Variants in EPHB2 observed in about 807,000 individuals in gnomAD.
The protein encoded by EPHB2 is EPH receptor B2.
A neutral mutation model predicts 96.4 loss-of-function variants in EPHB2; 18 were observed. The observed-to-expected ratio is 0.19, with a 90% confidence interval of 0.13 to 0.28. The LOEUF (loss-of-function observed/expected upper bound fraction) is 0.28, where lower values mean the gene tolerates loss of function less well. EPHB2 is among the 10% of genes least tolerant of loss of function. The pLI is 1.00. For synonymous variants in EPHB2, 506 were observed against 534.1 expected, an observed-to-expected ratio of 0.95 and a Z score of 0.72; for missense variants, 989 against 1,355.4, an observed-to-expected ratio of 0.73 and a Z score of 4.25.
Position 22,913,180 on chromosome 1 carries a change from G to C in EPHB2, c.2853-282G>C. On this transcript the variant is annotated intron_variant, in intron 15 of 15. Transcript: ENST00000374630. The surrounding 1 kb of genome is among the most constrained non-coding windows in gnomAD (Gnocchi z 4.1). ...TGCACACCAGCCTGGGTGACAGAGC[G>C]AGACTCTGTCTCGAAAAAGAAAGAA... 1 of 492,372 alleles carries C rather than the reference G, an allele frequency of 2.0e-6. No individual in the cohort carries two copies. The highest frequency in any genetic ancestry group is 2.0e-5 in the South Asian group (1 of 48,846). The allele number at this position is 492,372 out of a possible 1,614,324, so 30.5% of individuals were successfully genotyped here.
chr1:22,850,184 T>G (rs1645604611), intron 3 of EPHB2, among the ~76,000 whole-genome samples: 1 of 152,028 alleles, frequency 6.6e-6, no homozygotes. Flanking sequence ...AAAAGCACCC[T>G]CCCTTCTGGA....
intron 1 of EPHB2, among the ~76,000 whole-genome samples, chr1:22,730,448 C>A (rs904677072): frequency 1.3e-4 from 20 of 152,164 alleles, no homozygotes; most frequent in Admixed American, 1.2e-3. Context: ...TTGTCCTGCC[C>A]TATGGAGGTT....
chr1:22,820,469 T>A (rs1645137431), intron 3 of EPHB2, among the ~76,000 whole-genome samples: 1 of 152,216 alleles, frequency 6.6e-6, no homozygotes, highest in Non-Finnish European at 1.5e-5. Flanking sequence ...GAGACCAGCC[T>A]GGGCAACATA....
intron 1 of EPHB2, among the ~76,000 whole-genome samples, chr1:22,742,239 G>T (rs751822394): frequency 1.3e-5 from 2 of 152,184 alleles, no homozygotes; most frequent in African/African-American, 4.8e-5. Flanking sequence ...CATGAGGACC[G>T]CCCTGGCTGA....
At chr1:22,876,210 T>C (rs1191678389) in intron 5 of EPHB2, among the ~76,000 whole-genome samples, 1 of 152,042 alleles carries the variant, frequency 6.6e-6, no homozygotes, top group Non-Finnish European at 1.5e-5. Context: ...CCCACTCCCT[T>C]GGAGCTCAGG....
At chr1:22,746,113 T>C (rs1301468930) in intron 1 of EPHB2, among the ~76,000 whole-genome samples, 1 of 151,998 alleles carries the variant, frequency 6.6e-6, no homozygotes, top group East Asian at 1.9e-4. Flanking sequence ...GGGAAGGAGG[T>C]GAGTGCAGCC....
intron 1 of EPHB2, among the ~76,000 whole-genome samples, chr1:22,714,363 T>G (rs1450916293): frequency 6.6e-6 from 1 of 152,238 alleles, no homozygotes; most frequent in Non-Finnish European, 1.5e-5. Context: ...TAACGAACTG[T>G]GTTCTCAAGA....
intron 1 of EPHB2, among the ~76,000 whole-genome samples, chr1:22,748,902 C>T (rs1382494115): frequency 6.7e-6 from 1 of 150,290 alleles, no homozygotes; most frequent in Non-Finnish European, 1.5e-5. Flanking sequence ...TTTGCACCAA[C>T]CTAGTAGAAT....
At chr1:22,901,820 A>AGTGTGTGTGTGTGTGT (rs57503593) in intron 9 of EPHB2, among the ~76,000 whole-genome samples, 1,558 of 148,552 alleles carry the variant, frequency 0.01, 36 homozygotes, top group African/African-American at 0.036. Flanking sequence ...TGTGTGTGTG[A>AGTGTGTGTGTGTGTGT]GTGTGTGTGT....
chr1:22,808,827 A>G (rs1644964963), intron 3 of EPHB2, among the ~76,000 whole-genome samples: 1 of 152,226 alleles, frequency 6.6e-6, no homozygotes, highest in South Asian at 2.1e-4. Flanking sequence ...CGGGATGTGC[A>G]GGGCCAAGAT....
At chr1:22,839,534 T>C (rs1213141694) in intron 3 of EPHB2, among the ~76,000 whole-genome samples, 1 of 152,134 alleles carries the variant, frequency 6.6e-6, no homozygotes, top group Non-Finnish European at 1.5e-5. Flanking sequence ...CACAAATCCC[T>C]GTGGGAATTT....
At chr1:22,870,716 C>T (rs1320612041) in intron 5 of EPHB2, among the ~76,000 whole-genome samples, 1 of 152,188 alleles carries the variant, frequency 6.6e-6, no homozygotes, top group East Asian at 1.9e-4. Flanking sequence ...TTAAGGATCT[C>T]ACCCTGAGCA....
chr1:22,878,219 G>A (rs1197327197), intron 5 of EPHB2, among the ~76,000 whole-genome samples: 1 of 152,132 alleles, frequency 6.6e-6, no homozygotes, highest in Non-Finnish European at 1.5e-5. Flanking sequence ...TGGTGTGAAC[G>A]GAGCAGCCTC....
chr1:22,829,439 T>C (rs1237192318), intron 3 of EPHB2, among the ~76,000 whole-genome samples: 3 of 152,226 alleles, frequency 2.0e-5, no homozygotes, highest in African/African-American at 7.2e-5. Flanking sequence ...CCCACCCAGA[T>C]TCCAAGCCAG....
chr1:22,871,236 G>A (rs1638655081), intron 5 of EPHB2, among the ~76,000 whole-genome samples: 1 of 152,144 alleles, frequency 6.6e-6, no homozygotes, highest in African/African-American at 2.4e-5. Flanking sequence ...GCATCCTCAG[G>A]GCCCAATGTT....
intron 1 of EPHB2, among the ~76,000 whole-genome samples, chr1:22,724,603 C>T (rs1186901278): frequency 6.6e-6 from 1 of 152,182 alleles, no homozygotes; most frequent in Non-Finnish European, 1.5e-5. Flanking sequence ...GGATTTATAC[C>T]TGGGTTTGCT....
At chr1:22,886,581 G>A (rs186378974) in intron 6 of EPHB2, among the ~76,000 whole-genome samples, 202 of 152,020 alleles carry the variant, frequency 1.3e-3, no homozygotes, top group African/African-American at 4.0e-3. Context: ...AGCATGGGCT[G>A]GGGGAGTTGG....
intron 1 of EPHB2, among the ~76,000 whole-genome samples, chr1:22,736,133 A>G (rs1245319026): frequency 6.6e-6 from 1 of 152,192 alleles, no homozygotes; most frequent in Non-Finnish European, 1.5e-5. Context: ...CGTAGTGGTC[A>G]TCGTTGTTGC....
chr1:22,731,508 C>A (rs747967274), intron 1 of EPHB2, among the ~76,000 whole-genome samples: 125 of 152,316 alleles, frequency 8.2e-4, no homozygotes, highest in Middle Eastern at 3.4e-3. Context: ...ATAGTCCTTA[C>A]CTTAGTAGGT....
Sources: gnomAD v4.1 joint callset for allele counts (sites outside exome capture counted in the v4.1 genomes callset) on GRCh38, gnomAD v4.1.1 for gene constraint, Gnocchi (gnomAD v3.1) non-coding constraint, MANE v1.5 for transcripts, NCBI Gene and HGNC (gene_info 2026-07-23, HGNC 2026-07-21) for gene names.